Variants in MARCHF8 observed in about 807,000 individuals in gnomAD.
The protein encoded by MARCHF8 is membrane associated ring-CH-type finger 8.
A neutral mutation model predicts 51.6 loss-of-function variants in MARCHF8; 40 were observed. The ratio of observed to expected loss-of-function variants is 0.77; its 90% CI spans 0.60 to 1.01. The LOEUF (loss-of-function observed/expected upper bound fraction) is 1.01, where lower values mean the gene tolerates loss of function less well. MARCHF8 is among the 50% of genes least tolerant of loss of function. The pLI, the probability that MARCHF8 is intolerant of heterozygous loss-of-function variation, is 0.00. For synonymous variants in MARCHF8, 263 were observed against 280.3 expected, an observed-to-expected ratio of 0.94 and a Z score of 0.62; for missense variants, 685 against 708.6, an observed-to-expected ratio of 0.97 and a Z score of 0.38.
At chr10:45,576,392 A>T (rs554407521) in intron 1 of MARCHF8, among the ~76,000 whole-genome samples, 1 of 152,306 alleles carries the variant, frequency 6.6e-6, no homozygotes, top group East Asian at 1.9e-4. Flanking sequence ...TAAAGCCAAA[A>T]CTATAAAACT....
At position 45,463,249 on chromosome 10, in the gene MARCHF8, GA is replaced by G. The variant is rs1842850631; in HGVS notation, c.989del (p.Leu330ProfsTer46). On this transcript the variant is annotated frameshift_variant, in exon 5 of 8. Coordinates refer to ENST00000453424, the MANE Select transcript of MARCHF8 (RefSeq NM_001282866.2). LOFTEE classifies it high-confidence loss of function. The stretch of plus-strand genomic sequence containing the variant: ...GGTCGCTGTCCTTTTCCGTGGAGCA[GA>G]GGGGCGCCCGCAGAACCCTACTCTT... ...KLKSRVLRAP[L>X]CSTEKDSDLD... 6.4e-7 allele frequency: 1 copy of G among 1,550,900 alleles called. No homozygotes were observed. Among genetic ancestry groups the G allele is most frequent in the Non-Finnish European group, 8.7e-7 (1 of 1,147,080 alleles).
At chr10:45,482,329 G>C (rs1268947687) in intron 3 of MARCHF8, among the ~76,000 whole-genome samples, 1 of 151,998 alleles carries the variant, frequency 6.6e-6, no homozygotes, top group Non-Finnish European at 1.5e-5. Context: ...AAACCATATG[G>C]AACCAAAAAA....
chr10:45,462,527 C>A (rs998521367), intron 5 of MARCHF8, among the ~76,000 whole-genome samples: 2 of 152,044 alleles, frequency 1.3e-5, no homozygotes, highest in East Asian at 3.8e-4. Context: ...ATACTAGTTT[C>A]TTTCTTCCAG....
intron 2 of MARCHF8, among the ~76,000 whole-genome samples, chr10:45,527,685 T>C (rs2043814793): frequency 6.6e-6 from 1 of 151,980 alleles, no homozygotes; most frequent in Non-Finnish European, 1.5e-5. Flanking sequence ...CTACCAGACA[T>C]AGAAGAATAG....
intron 1 of MARCHF8, among the ~76,000 whole-genome samples, chr10:45,586,154 C>T (rs184733140): frequency 7.5e-4 from 114 of 152,204 alleles, no homozygotes; most frequent in African/African-American, 2.5e-3. Context: ...GTATAACCAC[C>T]ACCCAATCAA....
rs758222767 is a variant in MARCHF8 at position 45,464,223 on chromosome 10, T to C, written c.242+16A>G. 1.2e-6 allele frequency: 2 copies of C among 1,611,808 alleles called. No homozygotes were observed. The highest frequency in any genetic ancestry group is 1.7e-6 in the Non-Finnish European group (2 of 1,177,886). ...GCTGCACACTGATCATGGCAGCATC[T>C]GAAGCAGAGTGTTACCTGCAGATGT... is the stretch of plus-strand genomic sequence containing the variant. On this transcript the variant is annotated intron_variant, in intron 4 of 7. Transcript: ENST00000453424.
intron 1 of MARCHF8, among the ~76,000 whole-genome samples, chr10:45,554,241 A>C (rs919152926): frequency 6.6e-6 from 1 of 152,236 alleles, no homozygotes; most frequent in African/African-American, 2.4e-5. Flanking sequence ...TATGATTATG[A>C]TCAAGAACCA....
At position 45,457,229 on chromosome 10, in the gene MARCHF8, A is replaced by T. The variant is rs143367781; in HGVS notation, c.*1010T>A. ...ATTTAACTATAAAGGAATATTTTTT[A>T]AATATTCAGTTTTGTTGTCATTACT... On this transcript the variant is annotated 3_prime_UTR_variant, in exon 8 of 8. Coordinates refer to ENST00000453424, the MANE Select transcript of MARCHF8 (RefSeq NM_001282866.2). 6.6e-6 allele frequency: 1 copy of T among 151,820 alleles called. No homozygotes were observed. The highest frequency in any genetic ancestry group is 1.5e-5 in the Non-Finnish European group (1 of 67,894). 9.4% of individuals were successfully genotyped at this position (151,820 alleles called of 1,614,324 possible).
At chr10:45,543,134 C>T (rs543507794) in intron 1 of MARCHF8, among the ~76,000 whole-genome samples, 1 of 152,308 alleles carries the variant, frequency 6.6e-6, no homozygotes, top group South Asian at 2.1e-4. Context: ...TGACTTGATA[C>T]TTTTACTCTC....
At chr10:45,481,007 G>C (rs1413655839) in intron 3 of MARCHF8, among the ~76,000 whole-genome samples, 1 of 152,260 alleles carries the variant, frequency 6.6e-6, no homozygotes, top group Non-Finnish European at 1.5e-5. Context: ...AAAGCTACAG[G>C]GGCAGAGCTG....
chr10:45,478,382 A>G (rs2042823873), intron 3 of MARCHF8, among the ~76,000 whole-genome samples: 1 of 152,200 alleles, frequency 6.6e-6, no homozygotes, highest in Admixed American at 6.5e-5. Context: ...TGTGGGATAG[A>G]GCAAAAGTAG....
Position 45,457,993 on chromosome 10 carries a change from CATG to C in MARCHF8, c.*243_*245del, listed in dbSNP as rs927715134. 1.0e-5 allele frequency: 5 copies of C among 497,634 alleles called. No homozygotes were observed. The highest frequency in any genetic ancestry group is 3.8e-5 in the Admixed American group (1 of 25,980). 30.8% of individuals were successfully genotyped at this position (497,634 alleles called of 1,614,324 possible). A position where few individuals can be genotyped will look rare whatever the true frequency, so the allele number is the denominator to read the frequency against. Reference sequence around the variant, plus strand: ...ATGGGCAGGAACTCTGCTGGCTCCCCATGATGTCATCATGGGGTCTTCCACTTT... The same window carrying C: ...ATGGGCAGGAACTCTGCTGGCTCCCCATGTCATCATGGGGTCTTCCACTTT... On this transcript the variant is annotated 3_prime_UTR_variant, in exon 8 of 8. Coordinates refer to ENST00000453424, the MANE Select transcript of MARCHF8 (RefSeq NM_001282866.2).
intron 1 of MARCHF8, among the ~76,000 whole-genome samples, chr10:45,578,698 T>A (rs752833745): frequency 6.6e-6 from 1 of 152,212 alleles, no homozygotes; most frequent in Non-Finnish European, 1.5e-5. Flanking sequence ...TTTGATGTTA[T>A]CAGCAATATT....
chr10:45,491,230 A>G lies in MARCHF8; in HGVS notation c.103-1813T>C, dbSNP rs1202752991. On this transcript the variant is annotated intron_variant, in intron 2 of 7. Transcript: ENST00000453424. ...TTAAGGCAGTCAATTAGTAAATTAT[A>G]AAGTATGCTCAAAGTGTTGGGAGAA... 2.0e-5 allele frequency among the ~76,000 whole-genome samples: 3 copies of G among 152,190 alleles called. No individual in the cohort carries two copies. In the East Asian group the frequency reaches 5.8e-4, roughly 29 times the overall value.
At chr10:45,469,150 C>T (rs1383056472) in intron 3 of MARCHF8, among the ~76,000 whole-genome samples, 1 of 151,870 alleles carries the variant, frequency 6.6e-6, no homozygotes, top group African/African-American at 2.4e-5. Flanking sequence ...CAGTAATGAA[C>T]ACACAAAGTG....
intron 1 of MARCHF8, among the ~76,000 whole-genome samples, chr10:45,565,930 T>C (rs893956177): frequency 2.6e-5 from 4 of 152,228 alleles, no homozygotes; most frequent in Admixed American, 6.5e-5. Flanking sequence ...ATTAAACCCA[T>C]GGCCAACAGC....
chr10:45,470,029 G>A (rs1222301521), intron 3 of MARCHF8, among the ~76,000 whole-genome samples: 2 of 152,108 alleles, frequency 1.3e-5, no homozygotes, highest in African/African-American at 2.4e-5. Context: ...GTTGGCTGTT[G>A]GCCCAGAGGC....
At chr10:45,472,648 A>G (rs1396801017) in intron 3 of MARCHF8, among the ~76,000 whole-genome samples, 1 of 152,246 alleles carries the variant, frequency 6.6e-6, no homozygotes, top group Non-Finnish European at 1.5e-5. Context: ...AGAGTGAAAA[A>G]TGGAAATAAT....
rs757509593 is a variant in MARCHF8, at chr10:45,459,247, C to T, written c.1290G>A (p.Thr430=). 54 of 1,613,740 alleles carry T rather than the reference C, an allele frequency of 3.3e-5. 1 individual carries two copies. Among genetic ancestry groups the T allele is most frequent in the African/African-American group, 4.0e-5 (3 of 74,888 alleles). The change falls in exon 7 of 8, where the codon ACG becomes ACA. Residue 430 remains threonine (T), a synonymous_variant. Transcript: ENST00000453424. ...PLRKWEKLQM[T]SSERRKIMCS... Reference sequence around the variant, plus strand: ...ACATGATCTTCCTGCGCTCGCTGGACGTCATCTGCAACTTCTCCCACTAGA... The same window carrying T: ...ACATGATCTTCCTGCGCTCGCTGGATGTCATCTGCAACTTCTCCCACTAGA...
Sources: gnomAD v4.1 joint callset for allele counts (sites outside exome capture counted in the v4.1 genomes callset) on GRCh38, gnomAD v4.1.1 for gene constraint, MANE v1.5 for transcripts, NCBI Gene and HGNC (gene_info 2026-07-23, HGNC 2026-07-21) for gene names.